Variants in PITRM1 observed in about 807,000 individuals in gnomAD.
PITRM1 encodes pitrilysin metallopeptidase 1.
PITRM1 carries 100 observed loss-of-function variants against 129.9 expected under a neutral mutation model. That is an observed-to-expected ratio of 0.77 (90% CI 0.65 to 0.91). The LOEUF (loss-of-function observed/expected upper bound fraction) is 0.91, where lower values mean the gene tolerates loss of function less well. PITRM1 is among the 40% of genes least tolerant of loss of function. The pLI is 0.00. For synonymous variants in PITRM1, 591 were observed against 508.8 expected (o/e 1.16, Z -2.17); for missense variants, 1,471 against 1,318.3 (o/e 1.12, Z -1.79).
At chr10:3,147,925 G>T (rs1841071877) in intron 18 of PITRM1, 62 bp downstream of exon 18, 10 of 1,345,010 alleles carry the variant, frequency 7.4e-6, no homozygotes, top group Non-Finnish European at 9.6e-6. Flanking sequence ...CTCCTTTAAA[G>T]TACTTCAAAC....
intron 2 of PITRM1, among the ~76,000 whole-genome samples, chr10:3,169,016 G>C (rs11251748): frequency 0.22 from 31,013 of 144,000 alleles, 3,900 homozygotes; most frequent in Non-Finnish European, 0.3. Context: ...CAAGAGGATC[G>C]CTTGAGCCCA....
intron 14 of PITRM1, 39 bp downstream of exon 14, chr10:3,155,552 C>T: frequency 1.9e-6 from 3 of 1,610,256 alleles, no homozygotes; most frequent in Non-Finnish European, 2.5e-6. Context: ...GGCCCGAGTG[C>T]AGGTTAGGGA....
chr10:3,168,707 GC>G (rs1843088620), intron 2 of PITRM1, among the ~76,000 whole-genome samples: 1 of 152,156 alleles, frequency 6.6e-6, no homozygotes, highest in Admixed American at 6.5e-5. Flanking sequence ...GTGAAGAGAT[GC>G]CTTCCACCAC....
In PITRM1 at chr10:3,151,365, TA is replaced by T. The variant is rs1564406964; in HGVS notation, c.1622-3del. 1.3e-6 allele frequency: 2 copies of T among 1,562,468 alleles called. No individual in the cohort carries two copies. The highest frequency in any genetic ancestry group is 1.8e-6 in the Non-Finnish European group (2 of 1,138,074). On this transcript the variant is annotated splice_polypyrimidine_tract_variant and splice_region_variant and intron_variant, in intron 14 of 26. Transcript: ENST00000224949. ...TTTGTTGACTCCGTAATTCTAGACC[TA>T]AAAAAGAAACAAGAAAAAGGAATAT...
chr10:3,155,974 T>C (rs1380878548), intron 13 of PITRM1, among the ~76,000 whole-genome samples: 2 of 152,236 alleles, frequency 1.3e-5, no homozygotes. Context: ...GTTATTCTAC[T>C]GTTATTATTA....
At chr10:3,147,004 AGTTT>A (rs1300912307) in intron 20 of PITRM1, 142 bp downstream of exon 20, 9 of 497,056 alleles carry the variant, frequency 1.8e-5, no homozygotes, top group Admixed American at 3.6e-5. Flanking sequence ...ATATTTTCTT[AGTTT>A]GTTAGAACAC....
intron 14 of PITRM1, among the ~76,000 whole-genome samples, chr10:3,155,150 C>T (rs917194703): frequency 1.3e-5 from 2 of 152,164 alleles, no homozygotes; most frequent in Non-Finnish European, 1.5e-5. Flanking sequence ...CACCGCTCCA[C>T]CATCCCTGTG....
intron 23 of PITRM1, among the ~76,000 whole-genome samples, chr10:3,142,790 C>T (rs537799685): frequency 1.3e-5 from 2 of 152,322 alleles, no homozygotes; most frequent in East Asian, 3.9e-4. Flanking sequence ...CTTAGAGGGA[C>T]TGTGAGGCGG....
intron 23 of PITRM1, among the ~76,000 whole-genome samples, chr10:3,141,224 C>CT (rs1408415213): frequency 3.9e-5 from 6 of 152,180 alleles, no homozygotes; most frequent in Non-Finnish European, 7.3e-5. Context: ...ATGAGATTTT[C>CT]TTTTCAATTA....
chr10:3,157,448 A>G lies in PITRM1; in HGVS notation c.1334T>C (p.Leu445Pro). The change falls in exon 12 of 27, where the codon CTG becomes CCG. Residue 445 changes from leucine to proline, a missense_variant. Physicochemically the swap from Leu to Pro is moderately conservative, Grantham distance 98. Transcript: ENST00000224949. ...GAGATCACTTACTGATGTCAGCATC[A>G]GCCCAAAGCTGGTAGACTGATGTTT... Reference protein sequence around the residue: ...QMKHQSTSFGLMLTSYIASCW... With the variant: ...QMKHQSTSFGPMLTSYIASCW... 6.2e-7 allele frequency: 1 copy of G among 1,603,252 alleles called. No individual in the cohort carries two copies. The highest frequency in any genetic ancestry group is 8.5e-7 in the Non-Finnish European group (1 of 1,174,126).
At position 3,156,916 on chromosome 10, in the gene PITRM1, T is replaced by C; in HGVS notation, c.1482+14A>G. 1 of 1,504,990 alleles carries C rather than the reference T, an allele frequency of 6.6e-7. No individual in the cohort carries two copies. Among genetic ancestry groups the C allele is most frequent in the Non-Finnish European group, 8.9e-7 (1 of 1,120,374 alleles). The allele number at this position is 1,504,990 out of a possible 1,614,324, so 93.2% of individuals were successfully genotyped here. A position where few individuals can be genotyped will look rare whatever the true frequency, so the allele number is the denominator to read the frequency against. On this transcript the variant is annotated intron_variant, in intron 13 of 26. Transcript: ENST00000224949. Reference sequence around the variant, plus strand: ...ACTTCAAAATTAGAGAAATGAATTATCCAACTTTCTTACCTTAAAATACTG... The same window carrying C: ...ACTTCAAAATTAGAGAAATGAATTACCCAACTTTCTTACCTTAAAATACTG...
intron 11 of PITRM1, 127 bp downstream of exon 11, chr10:3,157,913 A>C (rs146588372): frequency 1.4e-6 from 1 of 690,748 alleles, no homozygotes; most frequent in Admixed American, 2.3e-5. Flanking sequence ...TAAACAACTA[A>C]ATATGAACAA....
Position 3,148,211 on chromosome 10 carries a change from T to G in PITRM1, c.1952A>C (p.His651Pro). The G allele has an allele frequency of 6.2e-7, 1 of 1,613,990 alleles. No homozygotes were observed. The highest frequency in any genetic ancestry group is 1.7e-5 in the Admixed American group (1 of 60,018). ...CATGTGTGAGTCGTCGGGGAGCACG[T>G]GGGGAGAAGCACTCATCCCTCCGGT... ...LKTGGMSASP[H>P]VLPDDSHMDT... Residue 651 changes from histidine to proline, a missense_variant, in exon 17 of 27, where the codon CAC becomes CCC. Coordinates refer to ENST00000224949, the MANE Select transcript of PITRM1 (RefSeq NM_014889.4).
intron 6 of PITRM1, 160 bp from the exon 7 acceptor site, chr10:3,164,045 A>G: frequency 2.5e-6 from 1 of 398,276 alleles, no homozygotes; most frequent in Non-Finnish European, 4.5e-6. Flanking sequence ...AAAAACACCC[A>G]CGCAGGCATT....
At chr10:3,160,911 C>A (rs968596773) in intron 7 of PITRM1, among the ~76,000 whole-genome samples, 1 of 152,194 alleles carries the variant, frequency 6.6e-6, no homozygotes, top group African/African-American at 2.4e-5. Flanking sequence ...CAGGTGCCCA[C>A]CACCATGCCC....
intron 1 of PITRM1, 120 bp from the exon 2 acceptor site, chr10:3,170,326 G>A (rs1425509655): frequency 1.5e-6 from 1 of 689,146 alleles, no homozygotes. Flanking sequence ...ATTAAATATT[G>A]CATCTTCCAA....
At chr10:3,144,227 T>C (rs1465983275) in intron 22 of PITRM1, 65 bp downstream of exon 22, 1 of 876,106 alleles carries the variant, frequency 1.1e-6, no homozygotes, top group Non-Finnish European at 1.8e-6. Context: ...CGAACATCAG[T>C]GGCAGACACA....
chr10:3,160,412 G>T, intron 7 of PITRM1, 82 bp from the exon 8 acceptor site: 1 of 1,126,218 alleles, frequency 8.9e-7, no homozygotes. Flanking sequence ...CTGAAACACA[G>T]CACAGGAGTG....
Position 3,138,335 on chromosome 10 carries a change from T to C in PITRM1, c.2920A>G (p.Met974Val), listed in dbSNP as rs777002537. The C allele has an allele frequency of 3.7e-6, 6 of 1,610,604 alleles. No individual in the cohort carries two copies. In the East Asian group the frequency reaches 1.1e-4, roughly 30 times the overall value. The change falls in exon 26 of 27, where the codon ATG becomes GTG. Residue 974 changes from methionine (M) to valine (V), a missense_variant and splice_region_variant. Met to Val is a conservative substitution (Grantham distance 21, BLOSUM62 1). Transcript: ENST00000224949. ...GAGAGGCCGTACAAGAAGTGGTCCA[T>C]TCCTAGAAGACAATCCACAGGCACG... is the stretch of plus-strand genomic sequence containing the variant. Reference protein sequence around the residue: ...DAPVAPSDKGMDHFLYGLSDE... With the variant: ...DAPVAPSDKGVDHFLYGLSDE...
Sources: allele counts gnomAD v4.1 joint callset (sites outside exome capture counted in the v4.1 genomes callset), GRCh38; gene constraint gnomAD v4.1.1; transcripts MANE v1.5; gene names NCBI Gene and HGNC (gene_info 2026-07-23, HGNC 2026-07-21).